PRKCA: variants seen among roughly 807,000 people sequenced by gnomAD.
The protein encoded by PRKCA is protein kinase C alpha, also known as protein kinase C alpha type.
Under a neutral mutation model 87.0 loss-of-function variants are expected in PRKCA, and 27 were observed. The observed-to-expected ratio is 0.31, with a 90% CI of 0.23 to 0.43. The LOEUF is 0.43. PRKCA is among the 20% of genes least tolerant of loss of function. The pLI, the probability that PRKCA is intolerant of heterozygous loss-of-function variation, is 1.00. For missense variants in PRKCA, 518 were observed against 852.3 expected (o/e 0.61, Z 4.88); for synonymous variants, 329 against 311.1 (o/e 1.06, Z -0.61).
At chr17:66,694,506 A>AAT (rs1972870310) in intron 8 of PRKCA, among the ~76,000 whole-genome samples, 1 of 146,872 alleles carries the variant, frequency 6.8e-6, no homozygotes, top group African/African-American at 2.5e-5. Flanking sequence ...AAAAAAAAAA[A>AAT]AGGATTTGAT....
chr17:66,507,905 A>G (rs1242962280), intron 3 of PRKCA, among the ~76,000 whole-genome samples: 1 of 152,232 alleles, frequency 6.6e-6, no homozygotes, highest in Admixed American at 6.5e-5. Flanking sequence ...ATACATTTCC[A>G]GCAGGAGATT....
chr17:66,803,146 C>T lies in PRKCA; in HGVS notation c.1855-727C>T, dbSNP rs148858771. ...GTGGACCCTGGAGGAGAGGAACAGC[C>T]GAGACAGCAGGCCTCTCCCTGCCTC... On this transcript the variant is annotated intron_variant, in intron 16 of 16. Coordinates refer to ENST00000413366, the MANE Select transcript of PRKCA (RefSeq NM_002737.3). This position sits in a 1 kb window ranked among gnomAD's most constrained non-coding sequence, Gnocchi z 4.4. 6.6e-5 allele frequency among the ~76,000 whole-genome samples: 10 copies of T among 152,238 alleles called. No homozygotes were observed. The highest frequency in any genetic ancestry group is 2.1e-4 in the South Asian group (1 of 4,828).
intron 2 of PRKCA, among the ~76,000 whole-genome samples, chr17:66,411,438 T>G (rs1198545611): frequency 6.6e-6 from 1 of 152,138 alleles, no homozygotes; most frequent in African/African-American, 2.4e-5. Context: ...TGAGATTATC[T>G]GTGTACTTAT....
At chr17:66,589,964 A>G (rs906700693) in intron 3 of PRKCA, among the ~76,000 whole-genome samples, 3 of 152,160 alleles carry the variant, frequency 2.0e-5, no homozygotes, top group African/African-American at 7.2e-5. Flanking sequence ...TTGTGCTCCT[A>G]TGAGAATCTC....
intron 16 of PRKCA, among the ~76,000 whole-genome samples, chr17:66,794,591 ATTGTTTTTT>A (rs1433609160): frequency 2.8e-5 from 4 of 141,822 alleles, no homozygotes; most frequent in African/African-American, 1.0e-4. Context: ...TTCGTGTTAT[ATTGTTTTTT>A]TTGTTTTTTG....
intron 15 of PRKCA, among the ~76,000 whole-genome samples, chr17:66,787,319 C>T (rs370598921): frequency 1.3e-5 from 2 of 152,066 alleles, no homozygotes; most frequent in African/African-American, 4.8e-5. Context: ...TTTCCTTATC[C>T]ATTCTACTGG....
intron 2 of PRKCA, among the ~76,000 whole-genome samples, chr17:66,334,121 C>A (rs1420565082): frequency 6.6e-6 from 1 of 152,006 alleles, no homozygotes; most frequent in Non-Finnish European, 1.5e-5. Flanking sequence ...CGTGGTGGCT[C>A]AGCCTGTAGT....
At chr17:66,783,576 C>T (rs1975299424) in intron 14 of PRKCA, among the ~76,000 whole-genome samples, 1 of 152,184 alleles carries the variant, frequency 6.6e-6, no homozygotes, top group Non-Finnish European at 1.5e-5. Flanking sequence ...TGCCAGGAGA[C>T]AATTAAGTAG....
At chr17:66,639,915 AACCT>A (rs1971245431) in intron 3 of PRKCA, among the ~76,000 whole-genome samples, 1 of 152,042 alleles carries the variant, frequency 6.6e-6, no homozygotes, top group African/African-American at 2.4e-5. Context: ...GAATCGCTTG[AACCT>A]GGGAGGCAGA....
chr17:66,334,728 C>T (rs143565242), intron 2 of PRKCA, among the ~76,000 whole-genome samples: 2 of 152,178 alleles, frequency 1.3e-5, no homozygotes, highest in Non-Finnish European at 2.9e-5. Flanking sequence ...CATAGAATTC[C>T]TATGTGTCCC....
chr17:66,401,381 A>G (rs1415265761), intron 2 of PRKCA, among the ~76,000 whole-genome samples: 1 of 152,196 alleles, frequency 6.6e-6, no homozygotes, highest in African/African-American at 2.4e-5. Context: ...AGCAATTGGA[A>G]AGCCTGTATA....
chr17:66,353,669 T>C (rs1907886851), intron 2 of PRKCA, among the ~76,000 whole-genome samples: 1 of 152,166 alleles, frequency 6.6e-6, no homozygotes, highest in Non-Finnish European at 1.5e-5. Context: ...TGAGCCAAGA[T>C]CGGGCCATTG....
chr17:66,794,609 T>TG (rs137916436), intron 16 of PRKCA, among the ~76,000 whole-genome samples: 6 of 149,718 alleles, frequency 4.0e-5, no homozygotes, highest in South Asian at 2.1e-4. Flanking sequence ...TTTTGTTTTT[T>TG]GGGGGGGGTT....
intron 2 of PRKCA, among the ~76,000 whole-genome samples, chr17:66,478,099 G>T (rs1215065420): frequency 6.6e-6 from 1 of 152,186 alleles, no homozygotes; most frequent in Non-Finnish European, 1.5e-5. Flanking sequence ...GTTTAAAGGG[G>T]AAGGAGGAAG....
At chr17:66,771,173 T>C (rs1385949690) in intron 13 of PRKCA, among the ~76,000 whole-genome samples, 1 of 152,018 alleles carries the variant, frequency 6.6e-6, no homozygotes, top group Non-Finnish European at 1.5e-5. Flanking sequence ...TGGCTACCTT[T>C]TTTGTATTTT....
chr17:66,315,663 A>G (rs1250248233), intron 2 of PRKCA, among the ~76,000 whole-genome samples: 2 of 152,050 alleles, frequency 1.3e-5, no homozygotes, highest in Non-Finnish European at 2.9e-5. Context: ...TATTCTTAGT[A>G]GAGATGGGGT....
At chr17:66,573,157 A>G (rs1242479739) in intron 3 of PRKCA, among the ~76,000 whole-genome samples, 4 of 152,232 alleles carry the variant, frequency 2.6e-5, no homozygotes, top group Non-Finnish European at 5.9e-5. Flanking sequence ...TAAGAAAATT[A>G]TAGACAAACC....
At chr17:66,465,051 G>C (rs1186644564) in intron 2 of PRKCA, among the ~76,000 whole-genome samples, 5 of 151,848 alleles carry the variant, frequency 3.3e-5, no homozygotes, top group African/African-American at 1.2e-4. Flanking sequence ...TTTGTTTCTT[G>C]GTAGAAACAT....
intron 3 of PRKCA, among the ~76,000 whole-genome samples, chr17:66,626,185 CT>C (rs1970848178): frequency 6.6e-6 from 1 of 151,244 alleles, no homozygotes; most frequent in South Asian, 2.1e-4. Context: ...TTTCTTTTGT[CT>C]TCCTCTTTTT....
Sources: gnomAD v4.1 joint callset for allele counts (sites outside exome capture counted in the v4.1 genomes callset) on GRCh38, gnomAD v4.1.1 for gene constraint, Gnocchi (gnomAD v3.1) non-coding constraint, MANE v1.5 for transcripts, NCBI Gene and HGNC (gene_info 2026-07-23, HGNC 2026-07-21) for gene names.